Variants in SLC16A9 observed in about 807,000 individuals in gnomAD.
SLC16A9 encodes monocarboxylate transporter 9.
A neutral mutation model predicts 44.3 loss-of-function variants in SLC16A9; 26 were observed. The observed-to-expected ratio is 0.59, with a 90% CI of 0.43 to 0.81. The LOEUF is 0.81. SLC16A9 is among the 40% of genes least tolerant of loss of function. The pLI is 0.00. For synonymous variants in SLC16A9, 230 were observed against 225.1 expected (o/e 1.02, Z -0.19); for missense variants, 559 against 595.8 (o/e 0.94, Z 0.64).
chr10:59,670,701 A>G (rs1438647306), intron 3 of SLC16A9, among the ~76,000 whole-genome samples: 4 of 152,208 alleles, frequency 2.6e-5, no homozygotes, highest in Admixed American at 2.6e-4. Context: ...AGAGCTCATG[A>G]TACAGGAATG....
intron 1 of SLC16A9, among the ~76,000 whole-genome samples, chr10:59,694,096 C>T (rs144075036): frequency 0.016 from 2,444 of 152,056 alleles, 76 homozygotes; most frequent in East Asian, 0.11. Context: ...CGCCACCACG[C>T]CCGGTAACTT....
intron 4 of SLC16A9, among the ~76,000 whole-genome samples, chr10:59,657,467 T>G (rs918870924): frequency 6.6e-6 from 1 of 152,236 alleles, no homozygotes; most frequent in Non-Finnish European, 1.5e-5. Context: ...TTATCATATC[T>G]TTGACTGAAG....
chr10:59,673,715 C>A (rs1252902741), intron 2 of SLC16A9, among the ~76,000 whole-genome samples: 1 of 152,214 alleles, frequency 6.6e-6, no homozygotes, highest in Non-Finnish European at 1.5e-5. Flanking sequence ...TTCTCACACA[C>A]TGCTGGCAGT....
intron 1 of SLC16A9, among the ~76,000 whole-genome samples, chr10:59,703,261 A>AG (rs1840564227): frequency 1.3e-5 from 2 of 152,302 alleles, no homozygotes; most frequent in East Asian, 3.9e-4. Flanking sequence ...AGCTAGGACT[A>AG]CAGGCAGGTG....
intron 1 of SLC16A9, among the ~76,000 whole-genome samples, chr10:59,707,027 C>T (rs1840654463): frequency 6.8e-6 from 1 of 147,942 alleles, no homozygotes; most frequent in Non-Finnish European, 1.5e-5. Context: ...GGGAAGTCAG[C>T]TGGGCACAGT....
intron 3 of SLC16A9, among the ~76,000 whole-genome samples, chr10:59,671,476 G>A (rs1054055951): frequency 6.6e-6 from 1 of 152,204 alleles, no homozygotes; most frequent in Non-Finnish European, 1.5e-5. Context: ...TCCCCTTAGA[G>A]TGGGCTTACA....
chr10:59,683,429 A>C (rs1292320003), intron 2 of SLC16A9, among the ~76,000 whole-genome samples: 1 of 152,244 alleles, frequency 6.6e-6, no homozygotes, highest in Non-Finnish European at 1.5e-5. Context: ...TTCATCAAGA[A>C]TATCACTTTT....
rs537376284 is a variant in SLC16A9 at position 59,654,589 on chromosome 10, C to A, written c.437G>T (p.Gly146Val). ...RGLALGLIST[G>V]SSVGLFIYAA... The stretch of plus-strand genomic sequence containing the variant: ...ATATATGAAAAGGCCAACGCTTGAA[C>A]CTAAAAAGGGAATGGGAACTGTTCA... The change falls in exon 5 of 6, where the codon GGT (glycine) becomes GTT (valine). Residue 146 changes from glycine to valine, a missense_variant and splice_region_variant. By Grantham distance (109) the Gly-to-Val change is moderately radical. Coordinates refer to ENST00000395348, the MANE Select transcript of SLC16A9 (RefSeq NM_194298.3). The A allele has an allele frequency of 5.1e-6, 8 of 1,565,660 alleles. No individual in the cohort carries two copies. Among genetic ancestry groups the A allele is most frequent in the Admixed American group, 3.7e-5 (2 of 54,342 alleles).
intron 1 of SLC16A9, among the ~76,000 whole-genome samples, chr10:59,693,661 C>T (rs1044927236): frequency 2.0e-5 from 3 of 151,974 alleles, no homozygotes; most frequent in Admixed American, 1.3e-4. Flanking sequence ...ACTCTTTCGC[C>T]CAGGCTGGAG....
intron 4 of SLC16A9, among the ~76,000 whole-genome samples, chr10:59,655,424 A>G (rs1490354046): frequency 6.6e-6 from 1 of 152,244 alleles, no homozygotes; most frequent in East Asian, 1.9e-4. Flanking sequence ...TTTACTTTTT[A>G]AAAATAGTAT....
intron 1 of SLC16A9, among the ~76,000 whole-genome samples, chr10:59,692,699 G>C (rs1432087935): frequency 6.6e-6 from 1 of 151,912 alleles, no homozygotes; most frequent in Non-Finnish European, 1.5e-5. Context: ...TTGTAATACT[G>C]ATATCACTCT....
At chr10:59,696,202 T>C (rs1840368351) in intron 1 of SLC16A9, among the ~76,000 whole-genome samples, 1 of 152,180 alleles carries the variant, frequency 6.6e-6, no homozygotes, top group South Asian at 2.1e-4. Flanking sequence ...GCAACCTCCC[T>C]GCCTGATTCT....
intron 3 of SLC16A9, among the ~76,000 whole-genome samples, chr10:59,671,178 C>A (rs1417333128): frequency 6.6e-6 from 1 of 152,136 alleles, no homozygotes; most frequent in African/African-American, 2.4e-5. Context: ...CATGAGCTGA[C>A]AGTTTCCTCT....
intron 4 of SLC16A9, among the ~76,000 whole-genome samples, chr10:59,662,193 C>T (rs539848507): frequency 6.6e-6 from 1 of 151,856 alleles, no homozygotes; most frequent in African/African-American, 2.4e-5. Context: ...TCAGAGTGAA[C>T]AGGCAACCTA....
rs549059577 is a variant in SLC16A9, at chr10:59,664,381, A to T, written c.341-59T>A. On this transcript the variant is annotated intron_variant, in intron 3 of 5. Coordinates refer to ENST00000395348, the MANE Select transcript of SLC16A9 (RefSeq NM_194298.3). ...GCTGCATTACTTCAATGCAAGAGAA[A>T]AAAGGAAAAACAAGTATGTCCGATA... 2.1e-5 allele frequency: 26 copies of T among 1,210,260 alleles called. No homozygotes were observed. In the African/African-American group the frequency reaches 3.8e-4, roughly 18 times the overall value. The allele number at this position is 1,210,260 out of a possible 1,614,324, so 75.0% of individuals were successfully genotyped here. A position where few individuals can be genotyped will look rare whatever the true frequency, so the allele number is the denominator to read the frequency against.
intron 1 of SLC16A9, among the ~76,000 whole-genome samples, chr10:59,696,776 C>T (rs1473040121): frequency 6.6e-6 from 1 of 150,578 alleles, no homozygotes; most frequent in East Asian, 2.0e-4. Context: ...AGTGAGGAGA[C>T]CCTCTGCCTG....
intron 1 of SLC16A9, among the ~76,000 whole-genome samples, chr10:59,697,342 G>A (rs1840417293): frequency 6.6e-6 from 1 of 150,696 alleles, no homozygotes; most frequent in Non-Finnish European, 1.5e-5. Context: ...CCGTGTCTGT[G>A]TAGAAAGAGG....
intron 2 of SLC16A9, among the ~76,000 whole-genome samples, chr10:59,675,414 A>T (rs914419465): frequency 6.6e-6 from 1 of 152,216 alleles, no homozygotes; most frequent in African/African-American, 2.4e-5. Flanking sequence ...GCAGGGCAGG[A>T]GAGCCCTCGC....
In SLC16A9 at chr10:59,651,839, A is replaced by G. The variant is rs1285715021; in HGVS notation, c.*933T>C. On this transcript the variant is annotated 3_prime_UTR_variant, in exon 6 of 6. Transcript: ENST00000395348. ...ATATTTGATAGTGGTAAAATCTGAT[A>G]GTAGCAAATAAATGCTTCACTGGGA... 6.6e-6 allele frequency: 1 copy of G among 152,156 alleles called. No individual in the cohort carries two copies. Among genetic ancestry groups the G allele is most frequent in the Non-Finnish European group, 1.5e-5 (1 of 68,026 alleles). 9.4% of individuals were successfully genotyped at this position (152,156 alleles called of 1,614,324 possible). A position where few individuals can be genotyped will look rare whatever the true frequency, so the allele number is the denominator to read the frequency against.
Sources: gnomAD v4.1 joint callset for allele counts (sites outside exome capture counted in the v4.1 genomes callset) on GRCh38, gnomAD v4.1.1 for gene constraint, MANE v1.5 for transcripts, NCBI Gene and HGNC (gene_info 2026-07-23, HGNC 2026-07-21) for gene names.